The following SIX2 variants were observed in gnomAD, a reference collection of about 807,000 sequenced individuals.
SIX2 encodes the protein SIX homeobox 2, also known as homeobox protein SIX2.
In SIX2, 20 loss-of-function variants were observed where a neutral mutation model predicts 22.8. The observed-to-expected ratio is 0.88, with a 90% CI of 0.62 to 1.28. The LOEUF (loss-of-function observed/expected upper bound fraction) is 1.28. SIX2 is among the 50% of genes most tolerant of loss of function. The pLI, the probability that SIX2 is intolerant of heterozygous loss-of-function variation, is 0.00. For missense variants in SIX2, 360 were observed against 400.0 expected (o/e 0.90, Z 0.85); for synonymous variants, 195 against 186.4 (o/e 1.05, Z -0.37).
chr2:45,009,030 G>A lies in SIX2; in HGVS notation c.81C>T (p.Ile27=). ...ACCACAGGAAGCGGCCCAGCCGCTC[G>A]ATGTTGCCGCCCTGCTGCAGCACCT... ...VCEVLQQGGN[I]ERLGRFLWSL... is the part of the protein sequence containing the mutation. The change falls in exon 1 of 2, where the codon ATC becomes ATT. Residue 27 remains isoleucine (I), a synonymous_variant. Coordinates refer to ENST00000303077, the MANE Select transcript of SIX2 (RefSeq NM_016932.5). The A allele has an allele frequency of 6.2e-7, 1 of 1,609,898 alleles. No homozygotes were observed.
chr2:45,008,455 C>T, intron 1 of SIX2, 96 bp downstream of exon 1: 3 of 1,360,712 alleles, frequency 2.2e-6, no homozygotes, highest in Non-Finnish European at 3.1e-6. Flanking sequence ...GCCTGGGGGC[C>T]CAGTTTAGGC....
chr2:45,009,061 A>T lies in SIX2; in HGVS notation c.50T>A (p.Val17Glu). The T allele has an allele frequency of 6.2e-7, 1 of 1,603,072 alleles. No individual in the cohort carries two copies. The highest frequency in any genetic ancestry group is 8.5e-7 in the Non-Finnish European group (1 of 1,178,216). Residue 17 changes from valine (V) to glutamate (E), a missense_variant, in exon 1 of 2, where the codon GTG becomes GAG. This residue lies in a region of SIX2 where 118 missense variants were observed against 135.1 expected (regional missense o/e 0.87). Coordinates refer to ENST00000303077, the MANE Select transcript of SIX2 (RefSeq NM_016932.5). Reference sequence around the variant, plus strand: ...GCCGCCCTGCTGCAGCACCTCGCACACGCACGCCACTTGCTCCTGCGTGAA... The same window carrying T: ...GCCGCCCTGCTGCAGCACCTCGCACTCGCACGCCACTTGCTCCTGCGTGAA... ...FGFTQEQVAC[V>E]CEVLQQGGNI...
intron 1 of SIX2, among the ~76,000 whole-genome samples, chr2:45,008,008 T>A (rs1003138261): frequency 1.3e-5 from 2 of 152,154 alleles, no homozygotes; most frequent in Non-Finnish European, 2.9e-5. Flanking sequence ...TCTAAGGAGA[T>A]AAAGGACCCG....
At position 45,006,642 on chromosome 2, in the gene SIX2, T is replaced by A. The variant is rs1238242733; in HGVS notation, c.561-157A>T. 6.6e-6 allele frequency among the ~76,000 whole-genome samples: 1 copy of A among 152,132 alleles called. No individual in the cohort carries two copies. The highest frequency in any genetic ancestry group is 1.5e-5 in the Non-Finnish European group (1 of 68,020). On this transcript the variant is annotated intron_variant, in intron 1 of 1. Coordinates refer to ENST00000303077, the MANE Select transcript of SIX2 (RefSeq NM_016932.5). The surrounding 1 kb of genome is among the most constrained non-coding windows in gnomAD (Gnocchi z 4.2). ...GGTTTCTACCATTTCCTCGACCTGG[T>A]CTGGGTTCTCCTTTCTGCCCGTTCT... is the stretch of plus-strand genomic sequence containing the variant.
chr2:45,007,937 C>G (rs948676256), intron 1 of SIX2, among the ~76,000 whole-genome samples: 3 of 152,212 alleles, frequency 2.0e-5, no homozygotes, highest in African/African-American at 4.8e-5. Flanking sequence ...AGGCAGAAAA[C>G]AGGGCATGCG....
At position 45,006,548 on chromosome 2, in the gene SIX2, C is replaced by T; in HGVS notation, c.561-63G>A. 1 of 1,495,166 alleles carries T rather than the reference C, an allele frequency of 6.7e-7. No individual in the cohort carries two copies. Among genetic ancestry groups the T allele is most frequent in the Admixed American group, 1.7e-5 (1 of 59,876 alleles). 92.6% of individuals were successfully genotyped at this position (1,495,166 alleles called of 1,614,324 possible). A position where few individuals can be genotyped will look rare whatever the true frequency, so the allele number is the denominator to read the frequency against. On this transcript the variant is annotated intron_variant, in intron 1 of 1. Transcript: ENST00000303077. This position sits in a 1 kb window ranked among gnomAD's most constrained non-coding sequence, Gnocchi z 4.2. Reference sequence around the variant, plus strand: ...ACATCGAGACCACCCAGCGCCATCTCAGTCACAGTCAGAGCCAGCCACCAG... The same window carrying T: ...ACATCGAGACCACCCAGCGCCATCTTAGTCACAGTCAGAGCCAGCCACCAG...
chr2:45,009,229 C>T lies in SIX2; in HGVS notation c.-119G>A, dbSNP rs921728930. 1.2e-5 allele frequency: 9 copies of T among 765,442 alleles called. No homozygotes were observed. The East Asian group carries it at 1.7e-4, about 15-fold the overall frequency. 47.4% of individuals were successfully genotyped at this position (765,442 alleles called of 1,614,324 possible). A position where few individuals can be genotyped will look rare whatever the true frequency, so the allele number is the denominator to read the frequency against. On this transcript the variant is annotated 5_prime_UTR_variant, in exon 1 of 2. Coordinates refer to ENST00000303077, the MANE Select transcript of SIX2 (RefSeq NM_016932.5). Reference sequence around the variant, plus strand: ...CGCGGGCGGGGCTGGCCCCCTGGCCCGGCACTGGCCCCCGGTGAGCCCCGA... The same window carrying T: ...CGCGGGCGGGGCTGGCCCCCTGGCCTGGCACTGGCCCCCGGTGAGCCCCGA...
At position 45,005,666 on chromosome 2, in the gene SIX2, A is replaced by G; in HGVS notation, c.*504T>C. On this transcript the variant is annotated 3_prime_UTR_variant, in exon 2 of 2. Transcript: ENST00000303077. ...GGGGTACATACGGAGGGACCAGGAC[A>G]CAGAGTACAAGAGACTGGCAGGAGA... 1.3e-5 allele frequency: 3 copies of G among 230,766 alleles called. No homozygotes were observed. Among genetic ancestry groups the G allele is most frequent in the Non-Finnish European group, 2.6e-5 (3 of 116,470 alleles). The allele number at this position is 230,766 out of a possible 1,614,324, so 14.3% of individuals were successfully genotyped here. A position where few individuals can be genotyped will look rare whatever the true frequency, so the allele number is the denominator to read the frequency against.
Position 45,006,248 on chromosome 2 carries a change from G to A in SIX2, c.798C>T (p.Asp266=), listed in dbSNP as rs767993033. 3 of 1,614,114 alleles carry A rather than the reference G, an allele frequency of 1.9e-6. No individual in the cohort carries two copies. In the Admixed American group the frequency reaches 5.0e-5, roughly 27 times the overall value. The change falls in exon 2 of 2, where the codon GAC becomes GAT. Residue 266 remains aspartate, a synonymous_variant. Coordinates refer to ENST00000303077, the MANE Select transcript of SIX2 (RefSeq NM_016932.5). The surrounding 1 kb of genome is among the most constrained non-coding windows in gnomAD (Gnocchi z 4.2). The stretch of plus-strand genomic sequence containing the variant: ...GCAGGCCATGGTGGTGTTGCAGTGG[G>A]TCCGCTCCACCTCCGCCTGGCACCG... ...PVPVPGGGGA[D]PLQHHHGLQD...
chr2:45,007,560 T>A (rs1184292723), intron 1 of SIX2, among the ~76,000 whole-genome samples: 1 of 152,046 alleles, frequency 6.6e-6, no homozygotes, highest in Non-Finnish European at 1.5e-5. Flanking sequence ...GCACTCCCCC[T>A]AAGATGTTTC....
Position 45,009,082 on chromosome 2 carries a change from G to C in SIX2, c.29C>G (p.Thr10Arg). The C allele has an allele frequency of 6.3e-7, 1 of 1,592,896 alleles. No homozygotes were observed. The highest frequency in any genetic ancestry group is 8.5e-7 in the Non-Finnish European group (1 of 1,175,130). Residue 10 changes from threonine to arginine, a missense_variant, in exon 1 of 2, where the codon ACG (threonine) becomes AGG (arginine). Physicochemically the swap from Thr to Arg is moderately conservative, Grantham distance 71. Around this residue, in one of 3 missense-constraint regions of SIX2, gnomAD observed 118 missense variants for 135.1 expected, o/e 0.87. Coordinates refer to ENST00000303077, the MANE Select transcript of SIX2 (RefSeq NM_016932.5). ...GCACACGCACGCCACTTGCTCCTGC[G>C]TGAAGCCGAAGGTGGGCAGCATGGA... MSMLPTFGFTQEQVACVCEV... is the reference protein window; with the variant it reads MSMLPTFGFRQEQVACVCEV...
In SIX2 at chr2:45,005,927, C is replaced by A. The variant is rs1204155428; in HGVS notation, c.*243G>T. The A allele has an allele frequency of 4.9e-6, 3 of 612,848 alleles. No homozygotes were observed. Among genetic ancestry groups the A allele is most frequent in the Admixed American group, 2.7e-5 (1 of 36,914 alleles). 38.0% of individuals were successfully genotyped at this position (612,848 alleles called of 1,614,324 possible). ...GAATGACAGTGGTGTATAATTTATT[C>A]CCTTCTGTGGTTCAAGACTCAGTCT... On this transcript the variant is annotated 3_prime_UTR_variant, in exon 2 of 2. Coordinates refer to ENST00000303077, the MANE Select transcript of SIX2 (RefSeq NM_016932.5).
In SIX2 at chr2:45,006,420, A is replaced by G. The variant is rs777305156; in HGVS notation, c.626T>C (p.Leu209Ser). ...AGTCTTCTCATCCTCCGAGCTGCCT[A>G]ACACCGACTTGCCGCTGCCATTCAG... ...NPLNGSGKSV[L>S]GSSEDEKTPS... The change falls in exon 2 of 2, where the codon TTA (leucine) becomes TCA (serine). Residue 209 changes from leucine (L) to serine (S), a missense_variant. By Grantham distance (145) the Leu-to-Ser change is moderately radical. Around this residue, in one of 3 missense-constraint regions of SIX2, gnomAD observed 235 missense variants for 231.9 expected, o/e 1.01. Transcript: ENST00000303077. The surrounding 1 kb of genome is among the most constrained non-coding windows in gnomAD (Gnocchi z 4.2). 6.2e-7 allele frequency: 1 copy of G among 1,614,144 alleles called. No homozygotes were observed. Among genetic ancestry groups the G allele is most frequent in the Middle Eastern group, 1.6e-4 (1 of 6,062 alleles).
chr2:45,008,988 C>T lies in SIX2; in HGVS notation c.123G>A (p.Glu41=), dbSNP rs1004244007. The change falls in exon 1 of 2, where the codon GAG becomes GAA. Residue 41 remains glutamate, a synonymous_variant. Transcript: ENST00000303077. ...GCACGCTTTCATTCTTGTGAAGGTG[C>T]TCGCAGGCGGGCAGCGACCACAGGA... ...GRFLWSLPAC[E]HLHKNESVLK... is the part of the protein sequence containing the mutation. The T allele has an allele frequency of 1.9e-6, 3 of 1,613,024 alleles. No homozygotes were observed. The highest frequency in any genetic ancestry group is 1.7e-5 in the Admixed American group (1 of 60,036).
chr2:45,008,446 C>A (rs900280089), intron 1 of SIX2, 105 bp downstream of exon 1: 1 of 1,259,330 alleles, frequency 7.9e-7, no homozygotes, highest in Non-Finnish European at 1.1e-6. Flanking sequence ...TGTGGCCGGG[C>A]CTGGGGGCCC....
In SIX2 at chr2:45,009,403, C is replaced by T. The variant is rs1171945585; in HGVS notation, c.-293G>A. 1 of 164,684 alleles carries T rather than the reference C, an allele frequency of 6.1e-6. No individual in the cohort carries two copies. The highest frequency in any genetic ancestry group is 1.3e-5 in the Non-Finnish European group (1 of 76,254). 10.2% of individuals were successfully genotyped at this position (164,684 alleles called of 1,614,324 possible). A position where few individuals can be genotyped will look rare whatever the true frequency, so the allele number is the denominator to read the frequency against. ...TCCGCGCCCGCCCGCCGTTCCCTCG[C>T]TCGCTTCTCACTCGTTCTCCCTCCC... On this transcript the variant is annotated 5_prime_UTR_variant, in exon 1 of 2. Transcript: ENST00000303077.
rs1234850291 is a variant in SIX2 at position 45,005,893 on chromosome 2, GGA to G, written c.*275_*276del. The stretch of plus-strand genomic sequence containing the variant: ...GAGAGGGTAAAAGGAAGAGACAGAG[GGA>G]GAGAGAGAATGACAGTGGTGTATAA... On this transcript the variant is annotated 3_prime_UTR_variant, in exon 2 of 2. Coordinates refer to ENST00000303077, the MANE Select transcript of SIX2 (RefSeq NM_016932.5). 1 of 564,950 alleles carries G rather than the reference GGA, an allele frequency of 1.8e-6. No homozygotes were observed. Among genetic ancestry groups the G allele is most frequent in the Non-Finnish European group, 3.2e-6 (1 of 314,036 alleles). The allele number at this position is 564,950 out of a possible 1,614,324, so 35.0% of individuals were successfully genotyped here.
At chr2:45,007,704 G>A (rs1293003043) in intron 1 of SIX2, among the ~76,000 whole-genome samples, 1 of 152,144 alleles carries the variant, frequency 6.6e-6, no homozygotes, top group African/African-American at 2.4e-5. Flanking sequence ...TTTCTCTCCA[G>A]GTTTGAGGTC....
At chr2:45,007,420 C>T (rs1667787051) in intron 1 of SIX2, among the ~76,000 whole-genome samples, 1 of 152,190 alleles carries the variant, frequency 6.6e-6, no homozygotes, top group African/African-American at 2.4e-5. Context: ...TCTCTTGTCA[C>T]CAGCTTCGGG....
Sources: allele counts gnomAD v4.1 joint callset (sites outside exome capture counted in the v4.1 genomes callset), GRCh38; gene constraint gnomAD v4.1.1; regional missense constraint gnomAD v4.1.1; non-coding constraint Gnocchi (gnomAD v3.1); transcripts MANE v1.5; gene names NCBI Gene and HGNC (gene_info 2026-07-23, HGNC 2026-07-21).